Variants in CNTN6 observed in about 807,000 individuals in gnomAD.
CNTN6 encodes the protein contactin 6, also known as contactin-6.
Under a neutral mutation model 122.8 loss-of-function variants are expected in CNTN6, and 137 were observed. The ratio of observed to expected loss-of-function variants is 1.12; its 90% CI spans 0.97 to 1.29. The LOEUF is 1.29. Ranked by LOEUF, CNTN6 falls within the 50% of genes most tolerant of loss-of-function variation. The probability of loss-of-function intolerance (pLI) is 0.00; values close to 1 mark genes in which losing one functional copy is unlikely to be tolerated. For synonymous variants in CNTN6, 570 were observed against 426.0 expected, an observed-to-expected ratio of 1.34 and a Z score of -4.16; for missense variants, 1,634 against 1,223.4, an observed-to-expected ratio of 1.34 and a Z score of -5.01.
chr3:1,294,663 G>A (rs1327220988), intron 5 of CNTN6, among the ~76,000 whole-genome samples: 14 of 152,148 alleles, frequency 9.2e-5, no homozygotes. Context: ...TCATGTTTAT[G>A]CTCTTGATAG....
chr3:1,149,776 C>A (rs950685417), intron 2 of CNTN6, among the ~76,000 whole-genome samples: 2 of 152,036 alleles, frequency 1.3e-5, no homozygotes, highest in African/African-American at 4.8e-5. Context: ...ATATTCCTAC[C>A]CTTAAGTTTC....
At chr3:1,377,637 C>A (rs1327390829) in intron 17 of CNTN6, among the ~76,000 whole-genome samples, 1 of 152,096 alleles carries the variant, frequency 6.6e-6, no homozygotes, top group Non-Finnish European at 1.5e-5. Flanking sequence ...TTTAGACTTT[C>A]AACCAATTTA....
At chr3:1,202,392 C>T (rs368004335) in intron 2 of CNTN6, among the ~76,000 whole-genome samples, 78 of 149,720 alleles carry the variant, frequency 5.2e-4, no homozygotes, top group South Asian at 2.3e-3. Context: ...TACAAGAAAT[C>T]AGCCGGGCGT....
chr3:1,305,152 A>T (rs541244792), intron 7 of CNTN6, among the ~76,000 whole-genome samples: 2 of 152,338 alleles, frequency 1.3e-5, no homozygotes, highest in South Asian at 4.1e-4. Context: ...AAAGTCTGGT[A>T]TACCTGATTA....
At chr3:1,212,047 C>A (rs1291225636) in intron 2 of CNTN6, among the ~76,000 whole-genome samples, 1 of 151,854 alleles carries the variant, frequency 6.6e-6, no homozygotes. Context: ...ACGTTAGATA[C>A]CAGTAGGTTA....
intron 3 of CNTN6, 70 bp from the exon 4 acceptor site, chr3:1,227,748 A>T: frequency 1.4e-6 from 2 of 1,479,742 alleles, no homozygotes; most frequent in Non-Finnish European, 1.9e-6. Flanking sequence ...AATTAGAACT[A>T]CATGTTTTTT....
chr3:1,339,754 C>T (rs1314763264), intron 11 of CNTN6, among the ~76,000 whole-genome samples: 2 of 152,184 alleles, frequency 1.3e-5, no homozygotes, highest in Admixed American at 1.3e-4. Flanking sequence ...ACACTTCTCC[C>T]GTGAGTCCTC....
At chr3:1,321,587 T>C in intron 7 of CNTN6, 63 bp from the exon 8 acceptor site, 2 of 1,384,016 alleles carry the variant, frequency 1.4e-6, no homozygotes, top group Non-Finnish European at 9.8e-7. Context: ...TGGATGCTCT[T>C]CTTTTATTTT....
chr3:1,258,049 G>T (rs1013539848), intron 4 of CNTN6, among the ~76,000 whole-genome samples: 1 of 152,046 alleles, frequency 6.6e-6, no homozygotes, highest in African/African-American at 2.4e-5. Context: ...TCCTATATCA[G>T]CTCCATCACA....
intron 2 of CNTN6, among the ~76,000 whole-genome samples, chr3:1,185,253 A>AT (rs1203623520): frequency 1.3e-5 from 2 of 152,170 alleles, no homozygotes; most frequent in African/African-American, 2.4e-5. Flanking sequence ...GCGTTTCATA[A>AT]TTTTTGAAAA....
At chr3:1,245,207 T>TAAC (rs1553638947) in intron 4 of CNTN6, among the ~76,000 whole-genome samples, 1 of 13,182 alleles carries the variant, frequency 7.6e-5, no homozygotes, top group Non-Finnish European at 1.5e-4. Context: ...GATATATATA[T>TAAC]ATATATATAT....
At chr3:1,340,556 G>C (rs116698920) in intron 11 of CNTN6, among the ~76,000 whole-genome samples, 1 of 152,154 alleles carries the variant, frequency 6.6e-6, no homozygotes, top group South Asian at 2.1e-4. Context: ...GCAGGTTAAA[G>C]TCGCTAAGCC....
rs1418255372 is a variant in CNTN6 at position 1,403,943 on chromosome 3, A to G, written c.*525A>G. The G allele has an allele frequency of 6.6e-6, 1 of 152,206 alleles. No homozygotes were observed. Among genetic ancestry groups the G allele is most frequent in the Non-Finnish European group, 1.5e-5 (1 of 68,044 alleles). The allele number at this position is 152,206 out of a possible 1,614,324, so 9.4% of individuals were successfully genotyped here. A position where few individuals can be genotyped will look rare whatever the true frequency, so the allele number is the denominator to read the frequency against. On this transcript the variant is annotated 3_prime_UTR_variant, in exon 23 of 23. Coordinates refer to ENST00000446702, the MANE Select transcript of CNTN6 (RefSeq NM_001289080.2). ...GAATAAGAAATCTTTTTACTCAAGA[A>G]TATTTCAATATACATGATGTTCTTC... is the stretch of plus-strand genomic sequence containing the variant.
At chr3:1,228,876 A>G (rs777885816) in intron 4 of CNTN6, among the ~76,000 whole-genome samples, 1 of 152,200 alleles carries the variant, frequency 6.6e-6, no homozygotes, top group African/African-American at 2.4e-5. Context: ...ATCAGTAGAT[A>G]CATGAATTAA....
Position 1,372,350 on chromosome 3 carries a change from A to G in CNTN6, c.1544A>G (p.Glu515Gly), listed in dbSNP as rs1709149830. 1 of 1,612,660 alleles carries G rather than the reference A, an allele frequency of 6.2e-7. No individual in the cohort carries two copies. The highest frequency in any genetic ancestry group is 1.1e-5 in the South Asian group (1 of 90,944). Residue 515 changes from glutamate (E) to glycine (G), a missense_variant, in exon 13 of 23, where the codon GAG (glutamate) becomes GGG (glycine). Glu to Gly is a moderately conservative substitution (Grantham distance 98). Transcript: ENST00000446702. Reference sequence around the variant, plus strand: ...TCCAAAATGGATGTTACAGTTGGCGAGAGTATAGTGCTACCATGCCAGGTG... The same window carrying G: ...TCCAAAATGGATGTTACAGTTGGCGGGAGTATAGTGCTACCATGCCAGGTG... The part of the protein sequence containing the change: ...PPSKMDVTVG[E>G]SIVLPCQVSH...
intron 4 of CNTN6, among the ~76,000 whole-genome samples, chr3:1,257,365 TTCTC>T (rs1279507127): frequency 6.6e-6 from 1 of 152,170 alleles, no homozygotes; most frequent in Non-Finnish European, 1.5e-5. Flanking sequence ...GTAATTCAAT[TTCTC>T]TCTCATTTTC....
intron 2 of CNTN6, among the ~76,000 whole-genome samples, chr3:1,156,790 T>G (rs2092979142): frequency 6.6e-6 from 1 of 151,856 alleles, no homozygotes; most frequent in Admixed American, 6.6e-5. Flanking sequence ...CAAAGCTCAC[T>G]TACTGCTGGC....
Position 1,371,261 on chromosome 3 carries a change from G to T in CNTN6, c.1493-1038G>T, listed in dbSNP as rs1708971670. On this transcript the variant is annotated intron_variant, in intron 12 of 22. Transcript: ENST00000446702. ...AAGATTTTAGTCCATTTCTTAGAGA[G>T]CTAAACTTTATCTTATAAATTACCC... 2.0e-5 allele frequency among the ~76,000 whole-genome samples: 3 copies of T among 151,978 alleles called. No individual in the cohort carries two copies. In the South Asian group the frequency reaches 6.2e-4, roughly 32 times the overall value.
intron 4 of CNTN6, among the ~76,000 whole-genome samples, chr3:1,269,392 C>T (rs567401897): frequency 6.6e-6 from 1 of 152,294 alleles, no homozygotes; most frequent in South Asian, 2.1e-4. Flanking sequence ...CTTTCAGGAA[C>T]ACCAAAGGCC....
Sources: gnomAD v4.1 joint callset for allele counts (sites outside exome capture counted in the v4.1 genomes callset) on GRCh38, gnomAD v4.1.1 for gene constraint, MANE v1.5 for transcripts, NCBI Gene and HGNC (gene_info 2026-07-23, HGNC 2026-07-21) for gene names.